ZMYND11: variants seen among roughly 807,000 people sequenced by gnomAD.
ZMYND11 encodes zinc finger MYND-type containing 11.
Under a neutral mutation model 84.9 loss-of-function variants are expected in ZMYND11, and 9 were observed. The ratio of observed to expected loss-of-function variants is 0.11; its 90% CI spans 0.06 to 0.18. The LOEUF (loss-of-function observed/expected upper bound fraction) is 0.18, where lower values mean the gene tolerates loss of function less well. Among genes scored for constraint, ZMYND11 ranks in the 10% least tolerant of loss-of-function variants. The pLI is 1.00. For missense variants in ZMYND11, 409 were observed against 761.0 expected (o/e 0.54, Z 5.44); for synonymous variants, 250 against 244.1 (o/e 1.02, Z -0.23).
chr10:159,008 T>TTA (rs1554760505), intron 1 of ZMYND11, among the ~76,000 whole-genome samples: 4 of 140,400 alleles, frequency 2.8e-5, no homozygotes, highest in Admixed American at 1.4e-4. Flanking sequence ...TTTTTTTTTT[T>TTA]ACATTATGTG....
At chr10:155,003 G>A (rs1841366130) in intron 1 of ZMYND11, 1 of 152,080 alleles carries the variant, frequency 6.6e-6, no homozygotes, top group Non-Finnish European at 1.5e-5. Flanking sequence ...TTCCAAGCTA[G>A]GCAGTAGTGG....
At chr10:198,323 G>T (rs1172956794) in intron 2 of ZMYND11, among the ~76,000 whole-genome samples, 1 of 151,858 alleles carries the variant, frequency 6.6e-6, no homozygotes, top group Non-Finnish European at 1.5e-5. Context: ...AAATAATAGA[G>T]ATCAAAATCT....
intron 2 of ZMYND11, among the ~76,000 whole-genome samples, chr10:198,478 A>G (rs1942329793): frequency 1.3e-5 from 2 of 152,214 alleles, no homozygotes; most frequent in Admixed American, 6.5e-5. Flanking sequence ...TTTACACTGT[A>G]TCTATATTCA....
intron 1 of ZMYND11, among the ~76,000 whole-genome samples, chr10:153,002 C>A (rs1445677430): frequency 6.6e-6 from 1 of 152,104 alleles, no homozygotes; most frequent in African/African-American, 2.4e-5. Flanking sequence ...AAATTCATTC[C>A]TTTATTAAGC....
intron 13 of ZMYND11, 27 bp from the exon 14 acceptor site, chr10:248,876 G>T: frequency 6.3e-7 from 1 of 1,585,242 alleles, no homozygotes; most frequent in African/African-American, 1.3e-5. Context: ...GTGTGCTGAC[G>T]CACTGTGGGT....
chr10:188,532 C>T (rs895639424), intron 2 of ZMYND11, among the ~76,000 whole-genome samples: 5 of 148,422 alleles, frequency 3.4e-5, no homozygotes, highest in South Asian at 2.1e-4. Flanking sequence ...GGTTGAGTTA[C>T]GGTGAGCCAT....
At chr10:213,808 G>A (rs1024972278) in intron 3 of ZMYND11, among the ~76,000 whole-genome samples, 4 of 151,932 alleles carry the variant, frequency 2.6e-5, no homozygotes, top group African/African-American at 9.7e-5. Flanking sequence ...TATTACTGAT[G>A]GAATTTAAAA....
chr10:228,071 C>T (rs1948426535), intron 4 of ZMYND11, among the ~76,000 whole-genome samples: 1 of 152,084 alleles, frequency 6.6e-6, no homozygotes, highest in Non-Finnish European at 1.5e-5. Flanking sequence ...GGTAAATTTG[C>T]AGTTCACCAC....
chr10:226,162 C>G (rs555797834), intron 4 of ZMYND11, among the ~76,000 whole-genome samples: 4 of 152,158 alleles, frequency 2.6e-5, no homozygotes. Context: ...CTCCCCATTA[C>G]GCCAGAGTTA....
intron 4 of ZMYND11, among the ~76,000 whole-genome samples, chr10:227,628 T>C (rs1589107223): frequency 6.6e-6 from 1 of 152,230 alleles, no homozygotes. Flanking sequence ...CTTTTGGGTA[T>C]GTAGGCAGTA....
At chr10:242,182 GAAGTCCTT>G (rs769411282) in intron 10 of ZMYND11, 43 bp downstream of exon 10, 1 of 1,604,044 alleles carries the variant, frequency 6.2e-7, no homozygotes, top group Admixed American at 1.7e-5. Flanking sequence ...CTGTGCTTAT[GAAGTCCTT>G]AAGAAAGTTT....
intron 1 of ZMYND11, among the ~76,000 whole-genome samples, chr10:158,776 T>G (rs544656028): frequency 1.3e-5 from 2 of 152,124 alleles, no homozygotes; most frequent in East Asian, 3.9e-4. Context: ...AGCATCTCAT[T>G]GTGATTTTGA....
At chr10:142,536 G>A (rs1837732317) in intron 1 of ZMYND11, among the ~76,000 whole-genome samples, 1 of 152,088 alleles carries the variant, frequency 6.6e-6, no homozygotes, top group African/African-American at 2.4e-5. Flanking sequence ...TAAGTTACTG[G>A]TGCCCAAGGT....
chr10:207,274 T>C (rs1745525704), intron 2 of ZMYND11, among the ~76,000 whole-genome samples: 1 of 152,212 alleles, frequency 6.6e-6, no homozygotes, highest in African/African-American at 2.4e-5. Flanking sequence ...GTCTTTGCTA[T>C]TGTGAATAGT....
At chr10:231,876 A>G (rs1267355994) in intron 4 of ZMYND11, among the ~76,000 whole-genome samples, 1 of 152,214 alleles carries the variant, frequency 6.6e-6, no homozygotes, top group Non-Finnish European at 1.5e-5. Context: ...TTTAAATACA[A>G]CAACTTTGCC....
At chr10:216,211 G>T (rs1028589616) in intron 3 of ZMYND11, among the ~76,000 whole-genome samples, 1 of 152,150 alleles carries the variant, frequency 6.6e-6, no homozygotes, top group Non-Finnish European at 1.5e-5. Context: ...AAGCAGGGGC[G>T]CCCTTGCGTT....
intron 1 of ZMYND11, among the ~76,000 whole-genome samples, chr10:149,490 T>C (rs1204836438): frequency 6.6e-6 from 1 of 151,962 alleles, no homozygotes; most frequent in East Asian, 1.9e-4. Flanking sequence ...TTTTGTATTT[T>C]TAGTAGAGAC....
chr10:229,775 A>G (rs1274161855), intron 4 of ZMYND11, among the ~76,000 whole-genome samples: 1 of 152,154 alleles, frequency 6.6e-6, no homozygotes, highest in Non-Finnish European at 1.5e-5. Context: ...GGACAGGGTA[A>G]CTCATCACCA....
intron 1 of ZMYND11, among the ~76,000 whole-genome samples, chr10:179,392 A>C (rs1162047164): frequency 6.6e-6 from 1 of 152,184 alleles, no homozygotes; most frequent in Non-Finnish European, 1.5e-5. Context: ...AAATACCCCC[A>C]AAACTTACAC....
Sources: allele counts gnomAD v4.1 joint callset (sites outside exome capture counted in the v4.1 genomes callset), GRCh38; gene constraint gnomAD v4.1.1; transcripts MANE v1.5; gene names NCBI Gene and HGNC (gene_info 2026-07-23, HGNC 2026-07-21).